The following GRM8 variants were observed in gnomAD, a reference collection of about 807,000 sequenced individuals.
The protein encoded by GRM8 is glutamate metabotropic receptor 8.
GRM8 carries 47 observed loss-of-function variants against 87.2 expected under a neutral mutation model. That is an observed-to-expected ratio of 0.54 (90% CI 0.43 to 0.69). The LOEUF is 0.69. Among genes scored for constraint, GRM8 ranks in the 30% least tolerant of loss-of-function variants. The pLI is 0.00. For missense variants in GRM8, 1,019 were observed against 1,139.2 expected, an observed-to-expected ratio of 0.89 and a Z score of 1.52; for synonymous variants, 396 against 404.5, an observed-to-expected ratio of 0.98 and a Z score of 0.25.
intron 6 of GRM8, among the ~76,000 whole-genome samples, chr7:126,881,910 A>T (rs1800057493): frequency 6.6e-6 from 1 of 152,118 alleles, no homozygotes; most frequent in African/African-American, 2.4e-5. Context: ...CCTCTTACAA[A>T]ACATGTAATA....
chr7:127,167,467 G>T (rs1318349246), intron 2 of GRM8, among the ~76,000 whole-genome samples: 1 of 151,652 alleles, frequency 6.6e-6, no homozygotes, highest in African/African-American at 2.4e-5. Context: ...CAAATTTAAG[G>T]TCTGTGGCAA....
chr7:126,842,211 A>G (rs1796337972), intron 6 of GRM8, among the ~76,000 whole-genome samples: 1 of 152,236 alleles, frequency 6.6e-6, no homozygotes, highest in South Asian at 2.1e-4. Flanking sequence ...AGCCAGCTGT[A>G]GATCCAGGAG....
chr7:126,881,746 T>C (rs1195679584), intron 6 of GRM8, among the ~76,000 whole-genome samples: 1 of 152,202 alleles, frequency 6.6e-6, no homozygotes, highest in Non-Finnish European at 1.5e-5. Context: ...GCTATTTCCT[T>C]ACCTTTAATA....
intron 8 of GRM8, among the ~76,000 whole-genome samples, chr7:126,596,634 G>A (rs942068919): frequency 2.6e-5 from 4 of 152,118 alleles, no homozygotes; most frequent in South Asian, 2.1e-4. Flanking sequence ...GAATCCTTGC[G>A]ATAACAGAAA....
At chr7:126,456,905 C>T (rs151251739) in intron 9 of GRM8, among the ~76,000 whole-genome samples, 172 of 151,518 alleles carry the variant, frequency 1.1e-3, no homozygotes, top group African/African-American at 4.0e-3. Context: ...GACACAAAAA[C>T]AAATGACCAA....
In GRM8 at chr7:127,088,938, C is replaced by A. The variant is rs182167651; in HGVS notation, c.727+17558G>T. On this transcript the variant is annotated intron_variant, in intron 3 of 10. Coordinates refer to ENST00000339582, the MANE Select transcript of GRM8 (RefSeq NM_000845.3). The stretch of plus-strand genomic sequence containing the variant: ...CACTTCTTGTACAGTGGGGGCCAAG[C>A]CTTGGACTTCTGCGGACACAATTGG... 4.6e-5 allele frequency among the ~76,000 whole-genome samples: 7 copies of A among 152,296 alleles called. No individual in the cohort carries two copies. The East Asian group carries it at 1.2e-3, about 25-fold the overall frequency.
Position 126,482,636 on chromosome 7 carries a change from G to A in GRM8, c.2431-36264C>T, listed in dbSNP as rs556027929. On this transcript the variant is annotated intron_variant, in intron 9 of 10. Transcript: ENST00000339582. ...AGCAGAATGGTAGATCCAGGGTCTG[G>A]GGGGAAGAGGAATTGAGAAGATATT... Among the ~76,000 whole-genome samples the A allele has an allele frequency of 7.9e-5, 12 of 152,014 alleles. 1 individual carries two copies. In the South Asian group the frequency reaches 2.5e-3, roughly 31 times the overall value.
chr7:127,214,728 C>T (rs1449315830), intron 2 of GRM8, among the ~76,000 whole-genome samples: 4 of 152,176 alleles, frequency 2.6e-5, no homozygotes. Context: ...CCTACCAGGT[C>T]CCTCCCCTGA....
At chr7:126,936,496 A>G (rs1806339249) in intron 3 of GRM8, among the ~76,000 whole-genome samples, 2 of 152,114 alleles carry the variant, frequency 1.3e-5, no homozygotes, top group Non-Finnish European at 2.9e-5. Flanking sequence ...AATTCCCTGA[A>G]TTTTATTTAG....
At chr7:126,964,709 T>A (rs1018823339) in intron 3 of GRM8, among the ~76,000 whole-genome samples, 6 of 152,184 alleles carry the variant, frequency 3.9e-5, no homozygotes, top group Non-Finnish European at 7.3e-5. Flanking sequence ...ACCCTGTTGG[T>A]GGTAGGGTAA....
At chr7:127,251,122 G>A (rs1798839514) in intron 1 of GRM8, 1 of 152,170 alleles carries the variant, frequency 6.6e-6, no homozygotes, top group Non-Finnish European at 1.5e-5. Context: ...CTTGCTTAGG[G>A]GACTTAAGGG....
At chr7:126,495,334 T>C (rs1808572637) in intron 9 of GRM8, among the ~76,000 whole-genome samples, 1 of 151,874 alleles carries the variant, frequency 6.6e-6, no homozygotes, top group African/African-American at 2.4e-5. Context: ...CAAGCAAGAA[T>C]AAGAAAGACA....
intron 8 of GRM8, among the ~76,000 whole-genome samples, chr7:126,570,297 G>A (rs79229471): frequency 3.2e-4 from 48 of 152,164 alleles, no homozygotes; most frequent in Non-Finnish European, 4.9e-4. Context: ...GGGAGACAGT[G>A]TAGAACAGTG....
At chr7:126,972,333 G>A (rs1206324600) in intron 3 of GRM8, among the ~76,000 whole-genome samples, 2 of 152,160 alleles carry the variant, frequency 1.3e-5, no homozygotes, top group African/African-American at 4.8e-5. Context: ...CTATTTGAAT[G>A]TTGTGCTTTT....
intron 6 of GRM8, among the ~76,000 whole-genome samples, chr7:126,819,511 C>T (rs1232374623): frequency 1.3e-5 from 2 of 152,140 alleles, no homozygotes; most frequent in African/African-American, 4.8e-5. Flanking sequence ...ATATTAATCT[C>T]TTTGATAAAT....
At chr7:126,554,417 A>AAAT (rs34731773) in intron 8 of GRM8, among the ~76,000 whole-genome samples, 21,269 of 147,112 alleles carry the variant, frequency 0.14, 1,701 homozygotes, top group Admixed American at 0.2. Context: ...CAATTTCTAC[A>AAAT]AATAATAATA....
intron 2 of GRM8, among the ~76,000 whole-genome samples, chr7:127,186,813 C>T (rs1162100231): frequency 6.6e-6 from 1 of 152,124 alleles, no homozygotes; most frequent in Non-Finnish European, 1.5e-5. Context: ...ACTCTGAACC[C>T]CAGAAGTTGG....
chr7:126,579,042 T>G (rs918856639), intron 8 of GRM8, among the ~76,000 whole-genome samples: 4 of 152,128 alleles, frequency 2.6e-5, no homozygotes, highest in African/African-American at 9.7e-5. Flanking sequence ...AAAGTAGGTA[T>G]GAAATGGTAT....
intron 7 of GRM8, among the ~76,000 whole-genome samples, chr7:126,742,241 A>G (rs1362530946): frequency 6.6e-6 from 1 of 152,090 alleles, no homozygotes; most frequent in Non-Finnish European, 1.5e-5. Context: ...AAATTAAAAT[A>G]TTGTAACAAA....
Sources: gnomAD v4.1 joint callset for allele counts (sites outside exome capture counted in the v4.1 genomes callset) on GRCh38, gnomAD v4.1.1 for gene constraint, MANE v1.5 for transcripts, NCBI Gene and HGNC (gene_info 2026-07-23, HGNC 2026-07-21) for gene names.